The following TSNARE1 variants were observed in gnomAD, a reference collection of about 807,000 sequenced individuals.
TSNARE1 encodes the protein t-SNARE domain-containing protein 1.
TSNARE1 carries 49 observed loss-of-function variants against 62.0 expected under a neutral mutation model. The ratio of observed to expected loss-of-function variants is 0.79; its 90% CI spans 0.63 to 1.00. The LOEUF (loss-of-function observed/expected upper bound fraction) is 1.00. Among genes scored for constraint, TSNARE1 ranks in the 50% least tolerant of loss-of-function variants. The pLI is 0.00. For missense variants in TSNARE1, 755 were observed against 700.1 expected, an observed-to-expected ratio of 1.08 and a Z score of -0.88; for synonymous variants, 328 against 294.4, an observed-to-expected ratio of 1.11 and a Z score of -1.17.
At chr8:142,316,890 T>C (rs1206499839) in intron 7 of TSNARE1, among the ~76,000 whole-genome samples, 1 of 151,904 alleles carries the variant, frequency 6.6e-6, no homozygotes, top group Non-Finnish European at 1.5e-5. Flanking sequence ...GAGGGCGGCA[T>C]GCATTTCCCC....
At chr8:142,388,446 C>T (rs945736520) in intron 1 of TSNARE1, among the ~76,000 whole-genome samples, 5 of 147,196 alleles carry the variant, frequency 3.4e-5, no homozygotes, top group African/African-American at 5.0e-5. Flanking sequence ...TAAGGTTAAC[C>T]ATCACTATTT....
At chr8:142,385,281 C>T (rs893942432) in intron 1 of TSNARE1, among the ~76,000 whole-genome samples, 2 of 152,170 alleles carry the variant, frequency 1.3e-5, no homozygotes, top group South Asian at 4.1e-4. Flanking sequence ...ATTCAAACCA[C>T]CCCGCAAGCC....
chr8:142,350,156 T>C (rs28707306), intron 2 of TSNARE1, among the ~76,000 whole-genome samples: 541 of 49,890 alleles, frequency 0.011, 4 homozygotes, highest in African/African-American at 0.03. Context: ...AGGGCTGGGA[T>C]CAGGGCAGGC....
intron 10 of TSNARE1, among the ~76,000 whole-genome samples, chr8:142,296,007 T>G (rs1261572286): frequency 1.1e-5 from 1 of 90,020 alleles, no homozygotes; most frequent in Non-Finnish European, 2.1e-5. Flanking sequence ...AGGGGGGAGG[T>G]CACTCATGGG....
chr8:142,237,952 G>A (rs1817513388), intron 12 of TSNARE1, among the ~76,000 whole-genome samples: 1 of 152,058 alleles, frequency 6.6e-6, no homozygotes, highest in Non-Finnish European at 1.5e-5. Context: ...TGTACCTCCC[G>A]TTTCCCTGCT....
At chr8:142,373,935 G>A (rs889159457) in intron 1 of TSNARE1, among the ~76,000 whole-genome samples, 1 of 152,132 alleles carries the variant, frequency 6.6e-6, no homozygotes, top group Admixed American at 6.5e-5. Context: ...AACACCTCAG[G>A]CTCCAGGTAA....
intron 11 of TSNARE1, chr8:142,277,133 A>T: frequency 1.0e-6 from 1 of 985,262 alleles, no homozygotes; most frequent in Non-Finnish European, 1.2e-6. Context: ...GGAGGCCCCC[A>T]GTCTGTGAGG....
At chr8:142,316,319 G>A (rs1262253261) in intron 7 of TSNARE1, among the ~76,000 whole-genome samples, 1 of 151,698 alleles carries the variant, frequency 6.6e-6, no homozygotes, top group African/African-American at 2.4e-5. Flanking sequence ...GGCAGCCATG[G>A]CTATGAGGAG....
intron 13 of TSNARE1, among the ~76,000 whole-genome samples, chr8:142,227,100 C>T (rs1294773191): frequency 4.8e-5 from 7 of 146,090 alleles, no homozygotes; most frequent in Non-Finnish European, 8.9e-5. Context: ...AACCCCACTG[C>T]ACCCACACAA....
intron 13 of TSNARE1, among the ~76,000 whole-genome samples, chr8:142,221,734 CATTCACT>C (rs1816233900): frequency 1.9e-5 from 1 of 52,234 alleles, no homozygotes; most frequent in African/African-American, 6.2e-5. Flanking sequence ...TTCACTCACT[CATTCACT>C]CACTCACTCA....
At chr8:142,256,176 C>T (rs1456177483) in intron 12 of TSNARE1, among the ~76,000 whole-genome samples, 3 of 133,832 alleles carry the variant, frequency 2.2e-5, no homozygotes, top group Admixed American at 7.2e-5. Context: ...CCACCATCAC[C>T]ATCACCACCA....
chr8:142,383,175 G>A (rs1247609723), intron 1 of TSNARE1, among the ~76,000 whole-genome samples: 1 of 152,202 alleles, frequency 6.6e-6, no homozygotes, highest in Non-Finnish European at 1.5e-5. Flanking sequence ...ATAGGCCACA[G>A]GACCTAAGGG....
At chr8:142,339,706 G>GC (rs1193476238) in intron 4 of TSNARE1, among the ~76,000 whole-genome samples, 2 of 152,368 alleles carry the variant, frequency 1.3e-5, no homozygotes, top group Non-Finnish European at 2.9e-5. Flanking sequence ...GGCAGCTCCT[G>GC]CCCACCTGGA....
intron 9 of TSNARE1, among the ~76,000 whole-genome samples, chr8:142,311,290 GTTTT>G (rs58755110): frequency 1.7e-4 from 10 of 57,348 alleles, no homozygotes; most frequent in African/African-American, 3.7e-4. Flanking sequence ...AGCCTCTCTA[GTTTT>G]TTTTTTTTTT....
chr8:142,352,676 A>T (rs1251223820), intron 2 of TSNARE1, among the ~76,000 whole-genome samples: 1 of 152,234 alleles, frequency 6.6e-6, no homozygotes, highest in Non-Finnish European at 1.5e-5. Context: ...CACGACACGG[A>T]GCAACGCAAA....
At position 142,304,348 on chromosome 8, in the gene TSNARE1, C is replaced by T. The variant is rs545039543; in HGVS notation, c.1132-3704G>A. On this transcript the variant is annotated intron_variant, in intron 9 of 13. Coordinates refer to ENST00000524325, the MANE Select transcript of TSNARE1 (RefSeq NM_145003.5). ...GCAGAAAGAGCCTGGGCTCAGGTTC[C>T]GGCCCAGCAGTGGTGCCGGCTGTGA... 4.6e-5 allele frequency among the ~76,000 whole-genome samples: 7 copies of T among 152,350 alleles called. No homozygotes were observed. The East Asian group carries it at 9.6e-4, about 21-fold the overall frequency.
intron 13 of TSNARE1, among the ~76,000 whole-genome samples, chr8:142,223,808 G>A (rs542010355): frequency 2.3e-4 from 35 of 152,232 alleles, no homozygotes; most frequent in Non-Finnish European, 3.7e-4. Flanking sequence ...AGAGTGGGGA[G>A]ATCATGGATA....
intron 12 of TSNARE1, among the ~76,000 whole-genome samples, chr8:142,264,282 T>G (rs967149479): frequency 6.6e-6 from 1 of 152,262 alleles, no homozygotes; most frequent in Non-Finnish European, 1.5e-5. Context: ...TAACTGCATT[T>G]TCTAGTGATT....
In TSNARE1 at chr8:142,319,154, T is replaced by TCCC. The variant is rs76645315; in HGVS notation, c.894-521_894-520insGGG. Among the ~76,000 whole-genome samples, 18,029 of 151,308 alleles carry TCCC rather than the reference T, an allele frequency of 0.12. 1,137 individuals carry two copies. Among genetic ancestry groups the TCCC allele is most frequent in the Middle Eastern group, 0.16 (47 of 294 alleles). Reference sequence around the variant, plus strand: ...TCGGCCACTGCGAGGACCACCTTGCTCCGCCGCAACCACCCCCAAATACCC... The same window carrying TCCC: ...TCGGCCACTGCGAGGACCACCTTGCTCCCCCGCCGCAACCACCCCCAAATACCC... On this transcript the variant is annotated intron_variant, in intron 6 of 13. Transcript: ENST00000524325. This position sits in a 1 kb window ranked among gnomAD's most constrained non-coding sequence, Gnocchi z 4.9.
Sources: allele counts gnomAD v4.1 joint callset (sites outside exome capture counted in the v4.1 genomes callset), GRCh38; gene constraint gnomAD v4.1.1; non-coding constraint Gnocchi (gnomAD v3.1); transcripts MANE v1.5; gene names NCBI Gene and HGNC (gene_info 2026-07-23, HGNC 2026-07-21).